The following BRCA2 variants were observed in gnomAD, a reference collection of about 807,000 sequenced individuals.
BRCA2 encodes the protein breast cancer type 2 susceptibility protein.
BRCA2 carries 203 observed loss-of-function variants against 276.7 expected under a neutral mutation model. The observed-to-expected ratio is 0.73, with a 90% CI of 0.65 to 0.82. BRCA2 has a LOEUF of 0.82. BRCA2 is among the 40% of genes least tolerant of loss of function. BRCA2 has a pLI of 0.00. For synonymous variants in BRCA2, 1,289 were observed against 1,338.4 expected (o/e 0.96, Z 0.81); for missense variants, 3,920 against 3,915.0 (o/e 1.00, Z -0.03).
At chr13:32,380,344 AC>A (rs1409595444) in intron 24 of BRCA2, among the ~76,000 whole-genome samples, 199 bp downstream of exon 24, 2 of 152,150 alleles carry the variant, frequency 1.3e-5, no homozygotes, top group Non-Finnish European at 2.9e-5. Flanking sequence ...GTAACAAGTT[AC>A]ATCCTAGTCT....
intron 15 of BRCA2, among the ~76,000 whole-genome samples, chr13:32,356,995 G>A (rs1302085626): frequency 6.6e-6 from 1 of 152,160 alleles, no homozygotes; most frequent in Non-Finnish European, 1.5e-5. Flanking sequence ...ATATTATCTA[G>A]GTAGAATTTT....
At chr13:32,372,190 T>G (rs2072839097) in intron 20 of BRCA2, among the ~76,000 whole-genome samples, 1 of 152,260 alleles carries the variant, frequency 6.6e-6, no homozygotes, top group African/African-American at 2.4e-5. Flanking sequence ...TCTATCAAAC[T>G]CTGCTTTATC....
intron 16 of BRCA2, among the ~76,000 whole-genome samples, chr13:32,361,060 G>A (rs910662721): frequency 6.6e-6 from 1 of 152,138 alleles, no homozygotes; most frequent in Admixed American, 6.5e-5. Flanking sequence ...GTAGGCAGTT[G>A]GATATGGAAG....
intron 7 of BRCA2, among the ~76,000 whole-genome samples, chr13:32,328,743 T>G (rs2072367726): frequency 6.6e-6 from 1 of 152,222 alleles, no homozygotes. Flanking sequence ...AAAAAATTAT[T>G]CATTGTTTAT....
rs1566253126 is a variant in BRCA2, at chr13:32,379,798, C to A, written c.9002C>A (p.Thr3001Lys). The A allele has an allele frequency of 6.2e-7, 1 of 1,612,402 alleles. No homozygotes were observed. Residue 3001 changes from threonine to lysine, a missense_variant, in exon 23 of 27, where the codon ACA (threonine) becomes AAA (lysine). Coordinates refer to ENST00000380152, the MANE Select transcript of BRCA2 (RefSeq NM_000059.4). Reference sequence around the variant, plus strand: ...TCATCAGATTTATATTCTCTGTTAACAGAAGGAAAGAGATACAGAATTTAT... The same window carrying A: ...TCATCAGATTTATATTCTCTGTTAAAAGAAGGAAAGAGATACAGAATTTAT... ...RPSSDLYSLLTEGKRYRIYHL... is the reference protein window; with the variant it reads ...RPSSDLYSLLKEGKRYRIYHL...
intron 12 of BRCA2, among the ~76,000 whole-genome samples, chr13:32,344,986 A>C (rs2072601639): frequency 6.6e-6 from 1 of 152,150 alleles, no homozygotes; most frequent in Non-Finnish European, 1.5e-5. Flanking sequence ...TGCAGTATTA[A>C]ACAATCACTT....
intron 2 of BRCA2, among the ~76,000 whole-genome samples, 177 bp from the exon 3 acceptor site, chr13:32,318,900 C>A (rs951413972): frequency 1.3e-5 from 2 of 152,136 alleles, no homozygotes; most frequent in Non-Finnish European, 2.9e-5. Flanking sequence ...TCTTGTTACA[C>A]CTTTCTATAG....
chr13:32,342,122 A>C (rs938414344), intron 11 of BRCA2, among the ~76,000 whole-genome samples: 2 of 151,816 alleles, frequency 1.3e-5, no homozygotes, highest in Non-Finnish European at 2.9e-5. Context: ...AAATACAAAA[A>C]ATTAGCCAAG....
chr13:32,344,535 A>G (rs755103914), intron 11 of BRCA2, 23 bp from the exon 12 acceptor site: 1 of 1,430,700 alleles, frequency 7.0e-7, no homozygotes, highest in Non-Finnish European at 9.8e-7. Flanking sequence ...CCTTAAAAAC[A>G]TATATGAAAT....
Position 32,339,062 on chromosome 13 carries a change from CAG to C in BRCA2, c.4712_4713del (p.Glu1571GlyfsTer3), listed in dbSNP as rs80359464. 1.2e-6 allele frequency: 2 copies of C among 1,613,968 alleles called. No homozygotes were observed. Among genetic ancestry groups the C allele is most frequent in the African/African-American group, 2.7e-5 (2 of 75,028 alleles). ...ATCAATGGGCAAAGACCCTAAAGTACAGAGAGGCCTGTAAAGACCTTGAATTA... is the reference window on the plus strand; with the variant it reads ...ATCAATGGGCAAAGACCCTAAAGTACAGAGGCCTGTAAAGACCTTGAATTA... ...SHQWAKTLKY[R>X]EACKDLELAC... On this transcript the variant is annotated frameshift_variant, in exon 11 of 27. Transcript: ENST00000380152. LOFTEE classifies it high-confidence loss of function.
intron 25 of BRCA2, among the ~76,000 whole-genome samples, chr13:32,396,404 G>GA (rs2073037401): frequency 6.6e-6 from 1 of 152,194 alleles, no homozygotes; most frequent in African/African-American, 2.4e-5. Context: ...GCTGATATTT[G>GA]ACCAGTTGTG....
At chr13:32,352,335 TAACA>T (rs1190188700) in intron 13 of BRCA2, among the ~76,000 whole-genome samples, 3 of 152,296 alleles carry the variant, frequency 2.0e-5, no homozygotes, top group East Asian at 1.9e-4. Flanking sequence ...TTAATGTATT[TAACA>T]AACAAACATT....
At chr13:32,328,863 G>A (rs1000266990) in intron 7 of BRCA2, among the ~76,000 whole-genome samples, 5 of 150,968 alleles carry the variant, frequency 3.3e-5, no homozygotes, top group African/African-American at 9.7e-5. Flanking sequence ...CCATGTGTGT[G>A]TGCAGTCATA....
intron 13 of BRCA2, among the ~76,000 whole-genome samples, chr13:32,351,117 G>A (rs543017631): frequency 4.6e-5 from 7 of 152,298 alleles, no homozygotes; most frequent in East Asian, 3.9e-4. Flanking sequence ...CCCAGCAGCC[G>A]CTCGGCTCCA....
intron 10 of BRCA2, 119 bp downstream of exon 10, chr13:32,333,506 C>T: frequency 8.9e-7 from 1 of 1,122,088 alleles, no homozygotes; most frequent in Non-Finnish European, 1.3e-6. Flanking sequence ...TAGGCATCAT[C>T]TGTATACATG....
In BRCA2 at chr13:32,340,148, ACAT is replaced by A; in HGVS notation, c.5794_5796del (p.His1932del). ...ACATTCAGAGTGAAGAAATTTTACA[ACAT>A]AACCAAAATATGTCTGGATTGGAGA... On this transcript the variant is annotated inframe_deletion, in exon 11 of 27. Transcript: ENST00000380152. The A allele has an allele frequency of 6.2e-7, 1 of 1,613,270 alleles. No individual in the cohort carries two copies. The highest frequency in any genetic ancestry group is 1.7e-5 in the Admixed American group (1 of 59,924).
chr13:32,378,782 A>G (rs1049931624), intron 21 of BRCA2, among the ~76,000 whole-genome samples: 5 of 152,334 alleles, frequency 3.3e-5, no homozygotes, highest in Admixed American at 2.6e-4. Context: ...AGAGGCAAAC[A>G]TAAAAGTATG....
intron 14 of BRCA2, among the ~76,000 whole-genome samples, chr13:32,356,146 G>T (rs1369323031): frequency 6.6e-6 from 1 of 151,338 alleles, no homozygotes; most frequent in Non-Finnish European, 1.5e-5. Context: ...GAGTTCAAGT[G>T]ATTCTCCTGC....
intron 16 of BRCA2, among the ~76,000 whole-genome samples, chr13:32,358,652 G>T (rs980740098): frequency 6.6e-6 from 1 of 151,600 alleles, no homozygotes; most frequent in Non-Finnish European, 1.5e-5. Context: ...AATTAGCCCA[G>T]CCAGGCGCGG....
Sources: gnomAD v4.1 joint callset for allele counts (sites outside exome capture counted in the v4.1 genomes callset) on GRCh38, gnomAD v4.1.1 for gene constraint, MANE v1.5 for transcripts, NCBI Gene and HGNC (gene_info 2026-07-23, HGNC 2026-07-21) for gene names.